CCDC91: variants seen among roughly 807,000 people sequenced by gnomAD.
CCDC91 encodes coiled-coil domain containing 91, also known as coiled-coil domain-containing protein 91.
A neutral mutation model predicts 63.2 loss-of-function variants in CCDC91; 48 were observed. That is an observed-to-expected ratio of 0.76 (90% CI 0.60 to 0.97). The LOEUF (loss-of-function observed/expected upper bound fraction) is 0.97, where lower values mean the gene tolerates loss of function less well. Ranked by LOEUF, CCDC91 falls within the 50% of genes least tolerant of loss-of-function variation. CCDC91 has a pLI of 0.00. For synonymous variants in CCDC91, 167 were observed against 165.8 expected (o/e 1.01, Z -0.06); for missense variants, 500 against 494.6 (o/e 1.01, Z -0.10).
At chr12:28,409,825 T>C (rs1336279553) in intron 8 of CCDC91, among the ~76,000 whole-genome samples, 1 of 152,174 alleles carries the variant, frequency 6.6e-6, no homozygotes, top group Non-Finnish European at 1.5e-5. Context: ...TTTATTTAGT[T>C]TCTAAATATG....
At chr12:28,195,145 GATTGGT>G (rs1941654654) in intron 1 of CCDC91, among the ~76,000 whole-genome samples, 1 of 89,210 alleles carries the variant, frequency 1.1e-5, no homozygotes, top group Non-Finnish European at 2.8e-5. Context: ...ACAGAGTGCT[GATTGGT>G]CCGTTTTACA....
intron 3 of CCDC91, chr12:28,304,501 A>T (rs1038857735): frequency 7.0e-6 from 2 of 285,226 alleles, no homozygotes; most frequent in Non-Finnish European, 1.3e-5. Context: ...AATATTGCTA[A>T]AAATGCAATA....
At chr12:28,447,977 G>A (rs536399315) in intron 8 of CCDC91, among the ~76,000 whole-genome samples, 3 of 151,928 alleles carry the variant, frequency 2.0e-5, no homozygotes, top group East Asian at 1.9e-4. Context: ...TGACAAAATC[G>A]GAAGCATAGA....
intron 8 of CCDC91, among the ~76,000 whole-genome samples, chr12:28,404,736 T>C (rs567961744): frequency 2.6e-5 from 4 of 152,254 alleles, no homozygotes; most frequent in South Asian, 2.1e-4. Flanking sequence ...ACTTTTATTA[T>C]TATATAATGC....
chr12:28,306,787 T>A lies in CCDC91; in HGVS notation c.313T>A (p.Leu105Met). The stretch of plus-strand genomic sequence containing the variant: ...TCATCTGGATATCTCACTTTTTCCA[T>A]TGGGTTTAACTGATGAAAAAAGTAA... ...HTHLDISLFP[L>M]GLTDEKSNGT... is the part of the protein sequence containing the mutation. Residue 105 changes from leucine to methionine, a missense_variant, in exon 5 of 13, where the codon TTG becomes ATG. Physicochemically the swap from Leu to Met is conservative, Grantham distance 15 (BLOSUM62 2). Coordinates refer to ENST00000536442, the MANE Select transcript of CCDC91 (RefSeq NM_018318.5). 6.2e-7 allele frequency: 1 copy of A among 1,611,974 alleles called. No homozygotes were observed. Among genetic ancestry groups the A allele is most frequent in the Non-Finnish European group, 8.5e-7 (1 of 1,178,620 alleles).
chr12:28,251,403 A>C (rs1043333876), intron 1 of CCDC91, among the ~76,000 whole-genome samples: 2 of 152,078 alleles, frequency 1.3e-5, no homozygotes, highest in African/African-American at 4.8e-5. Flanking sequence ...ACTATTATGA[A>C]AAATCCTAAT....
At chr12:28,326,967 G>T (rs767424024) in intron 6 of CCDC91, among the ~76,000 whole-genome samples, 2 of 152,040 alleles carry the variant, frequency 1.3e-5, no homozygotes, top group African/African-American at 4.8e-5. Context: ...CATGAGAGCC[G>T]AAAGTCACAG....
intron 10 of CCDC91, among the ~76,000 whole-genome samples, chr12:28,451,795 G>A (rs926647202): frequency 6.6e-6 from 1 of 151,550 alleles, no homozygotes; most frequent in Non-Finnish European, 1.5e-5. Flanking sequence ...TCCTTGTCAA[G>A]TTCTGATGTG....
intron 7 of CCDC91, among the ~76,000 whole-genome samples, chr12:28,370,016 A>G (rs1415394985): frequency 6.6e-6 from 1 of 152,162 alleles, no homozygotes; most frequent in Non-Finnish European, 1.5e-5. Flanking sequence ...AGATCTTTAA[A>G]ATGCCCTGAA....
intron 1 of CCDC91, among the ~76,000 whole-genome samples, chr12:28,244,931 A>G (rs1470595211): frequency 6.6e-6 from 1 of 152,162 alleles, no homozygotes. Flanking sequence ...ATAGAAGTCA[A>G]TTGGATTGTT....
At position 28,269,978 on chromosome 12, in the gene CCDC91, A is replaced by T. The variant is rs1304480012; in HGVS notation, c.109+10536A>T. Among the ~76,000 whole-genome samples the T allele has an allele frequency of 1.3e-4, 20 of 151,852 alleles. 1 individual carries two copies. The highest frequency in any genetic ancestry group is 1.3e-3 in the Admixed American group (20 of 15,204). On this transcript the variant is annotated intron_variant, in intron 3 of 12. Coordinates refer to ENST00000536442, the MANE Select transcript of CCDC91 (RefSeq NM_018318.5). ...ATTGGCTTGCAGCTAGTATGCATTA[A>T]TTTTTTTCCTTATTAAAGCATTGCT... is the stretch of plus-strand genomic sequence containing the variant.
At chr12:28,304,680 A>G (rs144335052) in intron 3 of CCDC91, 8 of 1,275,922 alleles carry the variant, frequency 6.3e-6, no homozygotes, top group Non-Finnish European at 8.2e-6. Flanking sequence ...GTAGAACTTC[A>G]CTGAAGTTGC....
chr12:28,536,992 G>C (rs1942225548), intron 12 of CCDC91, among the ~76,000 whole-genome samples: 1 of 152,060 alleles, frequency 6.6e-6, no homozygotes, highest in African/African-American at 2.4e-5. Context: ...GAACCAGCTT[G>C]TTCTGGGGAA....
rs60083355 is a variant in CCDC91, at chr12:28,458,455, C to CTTTTTTTTTTT, written c.1101+5823_1101+5833dup. 1.6e-3 allele frequency among the ~76,000 whole-genome samples: 72 copies of CTTTTTTTTTTT among 45,804 alleles called. 10 individuals carry two copies. The highest frequency in any genetic ancestry group is 6.5e-3 in the African/African-American group (59 of 9,072). 30.0% of individuals were successfully genotyped at this position (45,804 alleles called of 152,430 possible). ...TTCCCTTTTGTCCTCATTTGCACAC[C>CTTTTTTTTTTT]TTTTTTTTTTTTTTTTTTTTTTTTT... On this transcript the variant is annotated intron_variant, in intron 11 of 12. Transcript: ENST00000536442.
chr12:28,228,058 A>G (rs1944378013), intron 1 of CCDC91, among the ~76,000 whole-genome samples: 1 of 151,950 alleles, frequency 6.6e-6, no homozygotes, highest in Admixed American at 6.6e-5. Context: ...ACTCCTTATC[A>G]TGACTTTTCA....
intron 11 of CCDC91, among the ~76,000 whole-genome samples, chr12:28,469,193 G>T (rs73265435): frequency 6.3e-4 from 96 of 152,030 alleles, no homozygotes; most frequent in African/African-American, 2.3e-3. Context: ...AAAACCTAAA[G>T]ATTCTACTGA....
rs893760249 is a variant in CCDC91, at chr12:28,264,607, G to GTGTGTGTC, written c.109+5172_109+5173insCTGTGTGT. Reference sequence around the variant, plus strand: ...TGTCTGTGTGTGTGTGTGTGTGTGTGTGTGTGTGTGTGTATTCTGATTTCT... The same window carrying GTGTGTGTC: ...TGTCTGTGTGTGTGTGTGTGTGTGTGTGTGTGTCTGTGTGTGTGTGTATTCTGATTTCT... On this transcript the variant is annotated intron_variant, in intron 3 of 12. Transcript: ENST00000536442. Among the ~76,000 whole-genome samples, 148 of 150,654 alleles carry GTGTGTGTC rather than the reference G, an allele frequency of 9.8e-4. 1 individual carries two copies. Among genetic ancestry groups the GTGTGTGTC allele is most frequent in the African/African-American group, 3.2e-3 (133 of 41,172 alleles).
intron 8 of CCDC91, among the ~76,000 whole-genome samples, chr12:28,429,101 A>G (rs1400543377): frequency 6.6e-6 from 1 of 152,148 alleles, no homozygotes; most frequent in Non-Finnish European, 1.5e-5. Flanking sequence ...CCAGCAGGAA[A>G]TCGTGCAAAC....
chr12:28,484,655 A>T (rs1339746543), intron 12 of CCDC91, among the ~76,000 whole-genome samples: 2 of 152,060 alleles, frequency 1.3e-5, no homozygotes, highest in African/African-American at 4.8e-5. Flanking sequence ...TAGGATGCAT[A>T]TTAAAGCTTT....
Sources: allele counts gnomAD v4.1 joint callset (sites outside exome capture counted in the v4.1 genomes callset), GRCh38; gene constraint gnomAD v4.1.1; transcripts MANE v1.5; gene names NCBI Gene and HGNC (gene_info 2026-07-23, HGNC 2026-07-21).